Variants in SLC43A2 observed in about 807,000 individuals in gnomAD.
SLC43A2 encodes the protein large neutral amino acids transporter small subunit 4.
A neutral mutation model predicts 63.2 loss-of-function variants in SLC43A2; 38 were observed. That is an observed-to-expected ratio of 0.60 (90% confidence interval 0.46 to 0.79). The LOEUF is 0.79. SLC43A2 is among the 30% of genes least tolerant of loss of function. The pLI is 0.00. For missense variants in SLC43A2, 644 were observed against 756.2 expected (o/e 0.85, Z 1.74); for synonymous variants, 322 against 331.0 (o/e 0.97, Z 0.30).
intron 9 of SLC43A2, among the ~76,000 whole-genome samples, chr17:1,586,617 C>T (rs542841425): frequency 5.9e-5 from 9 of 152,088 alleles, no homozygotes; most frequent in African/African-American, 1.4e-4. Context: ...CACTTGAACC[C>T]GGGAGGTGAA....
At position 1,604,709 on chromosome 17, in the gene SLC43A2, C is replaced by A. The variant is rs1210568949; in HGVS notation, c.501+8486G>T. 3 of 1,534,496 alleles carry A rather than the reference C, an allele frequency of 2.0e-6. No homozygotes were observed. The African/African-American group carries it at 4.1e-5, about 21-fold the overall frequency. On this transcript the variant is annotated intron_variant, in intron 5 of 13. Transcript: ENST00000301335. ...GATGGCTTACATTCCTTCTGAAGCT[C>A]CTTTTAGACCCATCTGCCCCCTGCC...
chr17:1,618,010 C>G lies in SLC43A2; in HGVS notation c.161-1241G>C, dbSNP rs537172513. 1.4e-4 allele frequency among the ~76,000 whole-genome samples: 22 copies of G among 152,318 alleles called. No individual in the cohort carries two copies. The East Asian group carries it at 3.5e-3, about 24-fold the overall frequency. On this transcript the variant is annotated intron_variant, in intron 2 of 13. Coordinates refer to ENST00000301335, the MANE Select transcript of SLC43A2 (RefSeq NM_152346.3). ...AGACATGAGGTCACGCTGGGAGAGTCAAGGAAACGCTCTTCTTCCGGTAAC... is the reference window on the plus strand; with the variant it reads ...AGACATGAGGTCACGCTGGGAGAGTGAAGGAAACGCTCTTCTTCCGGTAAC...
intron 5 of SLC43A2, among the ~76,000 whole-genome samples, chr17:1,603,375 G>T (rs1431758028): frequency 6.6e-6 from 1 of 152,090 alleles, no homozygotes; most frequent in East Asian, 1.9e-4. Context: ...GGTTTCACTG[G>T]TCAAGGTCAT....
Position 1,605,356 on chromosome 17 carries a change from G to T in SLC43A2, c.501+7839C>A, listed in dbSNP as rs370324596. 4.7e-6 allele frequency: 2 copies of T among 429,462 alleles called. No individual in the cohort carries two copies. Among genetic ancestry groups the T allele is most frequent in the Non-Finnish European group, 6.3e-6 (2 of 314,970 alleles). The allele number at this position is 429,462 out of a possible 1,614,324, so 26.6% of individuals were successfully genotyped here. A position where few individuals can be genotyped will look rare whatever the true frequency, so the allele number is the denominator to read the frequency against. On this transcript the variant is annotated intron_variant, in intron 5 of 13. Transcript: ENST00000301335. This position sits in a 1 kb window ranked among gnomAD's most constrained non-coding sequence, Gnocchi z 4.9. Reference sequence around the variant, plus strand: ...ATTCTGGCCATAGAGCATGACCACCGGACAGGAGTGCCTGCAGGGCCAAGG... The same window carrying T: ...ATTCTGGCCATAGAGCATGACCACCTGACAGGAGTGCCTGCAGGGCCAAGG...
At chr17:1,630,049 G>A (rs1909028094), upstream of SLC43A2, among the ~76,000 whole-genome samples, 1 of 152,156 alleles carries the variant, frequency 6.6e-6, no homozygotes, top group Admixed American at 6.5e-5. Flanking sequence ...AGACCAGCCT[G>A]GGCAGCATGG....
chr17:1,597,879 C>A (rs77845339), intron 5 of SLC43A2, among the ~76,000 whole-genome samples: 1 of 152,332 alleles, frequency 6.6e-6, no homozygotes, highest in East Asian at 1.9e-4. Context: ...GTGATGTGCT[C>A]ACACGTGCCC....
intron 5 of SLC43A2, among the ~76,000 whole-genome samples, chr17:1,600,396 C>T (rs985038615): frequency 2.7e-5 from 4 of 149,840 alleles, no homozygotes; most frequent in African/African-American, 9.8e-5. Context: ...AGTGATCCGC[C>T]CGCCTCAGCC....
At chr17:1,620,277 A>C (rs1422269211) in intron 2 of SLC43A2, among the ~76,000 whole-genome samples, 1 of 152,158 alleles carries the variant, frequency 6.6e-6, no homozygotes, top group Admixed American at 6.5e-5. Context: ...CTGAGGCAGG[A>C]GAATCGCTTG....
At chr17:1,601,068 GTT>G (rs1348902657) in intron 5 of SLC43A2, among the ~76,000 whole-genome samples, 6 of 101,222 alleles carry the variant, frequency 5.9e-5, no homozygotes, top group African/African-American at 1.9e-4. Flanking sequence ...GTTTGGTGGT[GTT>G]TGTTTGTTTG....
intron 9 of SLC43A2, among the ~76,000 whole-genome samples, chr17:1,586,513 A>C (rs1357855947): frequency 6.6e-6 from 1 of 151,912 alleles, no homozygotes; most frequent in Non-Finnish European, 1.5e-5. Context: ...TGACCAACAC[A>C]GTGAAACCCC....
intron 2 of SLC43A2, among the ~76,000 whole-genome samples, chr17:1,621,908 C>T (rs551103708): frequency 2.0e-5 from 3 of 152,240 alleles, no homozygotes; most frequent in Non-Finnish European, 4.4e-5. Context: ...CGGGAAAAGG[C>T]TGCCCATGTG....
Position 1,576,726 on chromosome 17 carries a change from G to A in SLC43A2, c.1425-6C>T. On this transcript the variant is annotated splice_polypyrimidine_tract_variant and splice_region_variant and intron_variant, in intron 12 of 13. Coordinates refer to ENST00000301335, the MANE Select transcript of SLC43A2 (RefSeq NM_152346.3). Reference sequence around the variant, plus strand: ...CGAACTGGGTGGAGGGGTACCTGCAGGGCAAGCGACAGCTCACAGCCATCC... The same window carrying A: ...CGAACTGGGTGGAGGGGTACCTGCAAGGCAAGCGACAGCTCACAGCCATCC... 6.2e-7 allele frequency: 1 copy of A among 1,608,338 alleles called. No individual in the cohort carries two copies. Among genetic ancestry groups the A allele is most frequent in the Admixed American group, 1.7e-5 (1 of 59,838 alleles).
At position 1,575,110 on chromosome 17, in the gene SLC43A2, T is replaced by G; in HGVS notation, c.*494A>C. On this transcript the variant is annotated 3_prime_UTR_variant, in exon 14 of 14. Transcript: ENST00000301335. ...ATTAGCACCGACAACAGGAAGCGGGTCCTTCCTTCCTCAGGCAGCCTCAGG... is the reference window on the plus strand; with the variant it reads ...ATTAGCACCGACAACAGGAAGCGGGGCCTTCCTTCCTCAGGCAGCCTCAGG... 1 of 177,512 alleles carries G rather than the reference T, an allele frequency of 5.6e-6. No individual in the cohort carries two copies. Among genetic ancestry groups the G allele is most frequent in the Non-Finnish European group, 1.2e-5 (1 of 81,900 alleles). The allele number at this position is 177,512 out of a possible 1,614,324, so 11.0% of individuals were successfully genotyped here. A position where few individuals can be genotyped will look rare whatever the true frequency, so the allele number is the denominator to read the frequency against.
intron 12 of SLC43A2, 143 bp from the exon 13 acceptor site, chr17:1,576,863 G>GTTT (rs35969643): frequency 1.7e-3 from 978 of 576,662 alleles, no homozygotes; most frequent in East Asian, 2.6e-3. Flanking sequence ...GGGCAGTTCT[G>GTTT]TTTTTTTTTT....
chr17:1,586,936 ACCCCC>A, intron 9 of SLC43A2: 1 of 501,654 alleles, frequency 2.0e-6, no homozygotes, highest in Non-Finnish European at 3.2e-6. Flanking sequence ...AATCCCCCCC[ACCCCC>A]CGCTTACCCG....
chr17:1,600,154 T>TA (rs1567630909), intron 5 of SLC43A2, among the ~76,000 whole-genome samples: 330 of 28,948 alleles, frequency 0.011, 5 homozygotes, highest in African/African-American at 0.037. Context: ...ATATATATAT[T>TA]TTTTTTTTTT....
At chr17:1,586,153 G>T (rs536473391) in intron 9 of SLC43A2, 102 bp from the exon 10 acceptor site, 3 of 1,454,260 alleles carry the variant, frequency 2.1e-6, no homozygotes, top group Admixed American at 2.6e-5. Context: ...GGCTCTTCTG[G>T]GGTCTGCCCC....
intron 11 of SLC43A2, among the ~76,000 whole-genome samples, chr17:1,582,253 T>C (rs1291794861): frequency 6.6e-6 from 1 of 152,118 alleles, no homozygotes; most frequent in Non-Finnish European, 1.5e-5. Context: ...CTAACTTTTA[T>C]ATTTTCTGTA....
rs1330799013 is a variant in SLC43A2, at chr17:1,606,343, T to A, written c.501+6852A>T. On this transcript the variant is annotated intron_variant, in intron 5 of 13. Coordinates refer to ENST00000301335, the MANE Select transcript of SLC43A2 (RefSeq NM_152346.3). The surrounding 1 kb of genome is among the most constrained non-coding windows in gnomAD (Gnocchi z 4.7). ...GTTTATCCTCTTCACTTCCCTCAGA[T>A]CCCACCTCCCATGAAATCATGCCTT... Among the ~76,000 whole-genome samples the A allele has an allele frequency of 6.6e-6, 1 of 152,112 alleles. No homozygotes were observed. Among genetic ancestry groups the A allele is most frequent in the African/African-American group, 2.4e-5 (1 of 41,420 alleles).
Sources: allele counts gnomAD v4.1 joint callset (sites outside exome capture counted in the v4.1 genomes callset), GRCh38; gene constraint gnomAD v4.1.1; non-coding constraint Gnocchi (gnomAD v3.1); transcripts MANE v1.5; gene names NCBI Gene and HGNC (gene_info 2026-07-23, HGNC 2026-07-21).